ONECUT3: variants seen among roughly 807,000 people sequenced by gnomAD.
ONECUT3 encodes the protein one cut homeobox 3.
Under a neutral mutation model 16.8 loss-of-function variants are expected in ONECUT3, and 11 were observed. That is an observed-to-expected ratio of 0.66 (90% CI 0.41 to 1.09). The LOEUF is 1.09. Among genes scored for constraint, ONECUT3 ranks in the 50% least tolerant of loss-of-function variants. ONECUT3 has a pLI of 0.00. For synonymous variants in ONECUT3, 344 were observed against 310.7 expected (o/e 1.11, Z -1.13); for missense variants, 637 against 629.9 (o/e 1.01, Z -0.12).
rs2067913162 is a variant in ONECUT3 at position 1,755,730 on chromosome 19, C to T, written c.1192+876C>T. 6.6e-6 allele frequency among the ~76,000 whole-genome samples: 1 copy of T among 152,216 alleles called. No individual in the cohort carries two copies. The highest frequency in any genetic ancestry group is 1.5e-5 in the Non-Finnish European group (1 of 68,036). On this transcript the variant is annotated intron_variant, in intron 1 of 1. Transcript: ENST00000382349. The surrounding 1 kb of genome is among the most constrained non-coding windows in gnomAD (Gnocchi z 7.5). ...CTCTTGTTCCTGCTCATTATCTCTT[C>T]TCCCTGTCGGTCTCTCCGCCTCTGT...
rs1283608747 is a variant in ONECUT3 at position 1,758,896 on chromosome 19, G to C, written c.1192+4042G>C. On this transcript the variant is annotated intron_variant, in intron 1 of 1. Coordinates refer to ENST00000382349, the MANE Select transcript of ONECUT3 (RefSeq NM_001080488.2). This position sits in a 1 kb window ranked among gnomAD's most constrained non-coding sequence, Gnocchi z 5.9. Reference sequence around the variant, plus strand: ...CAAATATTGTTTAAATTGCAACTCCGGAGGAAAAGTATTTTTTGTAACTGA... The same window carrying C: ...CAAATATTGTTTAAATTGCAACTCCCGAGGAAAAGTATTTTTTGTAACTGA... Among the ~76,000 whole-genome samples the C allele has an allele frequency of 6.6e-6, 1 of 152,134 alleles. No individual in the cohort carries two copies. The highest frequency in any genetic ancestry group is 1.5e-5 in the Non-Finnish European group (1 of 68,026).
rs1013570816 is a variant in ONECUT3, at chr19:1,764,464, C to G, written c.1192+9610C>G. On this transcript the variant is annotated intron_variant, in intron 1 of 1. Transcript: ENST00000382349. This position sits in a 1 kb window ranked among gnomAD's most constrained non-coding sequence, Gnocchi z 5.0. ...GAGAGGGGTGGGGACAAGAGGGAGG[C>G]TGGGCGCCTGCTGAGGCCAAGGTGG... 3.3e-5 allele frequency among the ~76,000 whole-genome samples: 5 copies of G among 152,074 alleles called. No homozygotes were observed. Among genetic ancestry groups the G allele is most frequent in the Admixed American group, 6.6e-5 (1 of 15,258 alleles).
chr19:1,764,794 G>A lies in ONECUT3; in HGVS notation c.1192+9940G>A, dbSNP rs2067970115. On this transcript the variant is annotated intron_variant, in intron 1 of 1. Coordinates refer to ENST00000382349, the MANE Select transcript of ONECUT3 (RefSeq NM_001080488.2). The surrounding 1 kb of genome is among the most constrained non-coding windows in gnomAD (Gnocchi z 5.0). The stretch of plus-strand genomic sequence containing the variant: ...CACCCACTGACTCGAGTCTGGAGAG[G>A]CCACGGGGGGGGGATGCGCAGGGGG... 7.6e-6 allele frequency among the ~76,000 whole-genome samples: 1 copy of A among 131,290 alleles called. No homozygotes were observed. 86.1% of individuals were successfully genotyped at this position (131,290 alleles called of 152,430 possible).
At chr19:1,765,797 C>T (rs539685543) in intron 1 of ONECUT3, among the ~76,000 whole-genome samples, 4 of 152,322 alleles carry the variant, frequency 2.6e-5, no homozygotes, top group South Asian at 2.1e-4. Flanking sequence ...AGAGCCCACC[C>T]GCGTCCCCAT....
chr19:1,768,798 TG>T (rs574160099), intron 1 of ONECUT3, among the ~76,000 whole-genome samples: 68 of 140,240 alleles, frequency 4.8e-4, no homozygotes, highest in Middle Eastern at 3.6e-3. Flanking sequence ...ATGGAGGAGG[TG>T]TGGGGAGGTG....
rs973648189 is a variant in ONECUT3 at position 1,754,159 on chromosome 19, G to A, written c.497G>A (p.Gly166Asp). 3.1e-5 allele frequency: 34 copies of A among 1,098,714 alleles called. No individual in the cohort carries two copies. The highest frequency in any genetic ancestry group is 3.6e-5 in the Non-Finnish European group (32 of 900,578). The allele number at this position is 1,098,714 out of a possible 1,614,324, so 68.1% of individuals were successfully genotyped here. The change falls in exon 1 of 2, where the codon GGC becomes GAC. Residue 166 changes from glycine (G) to aspartate (D), a missense_variant. Transcript: ENST00000382349. This position sits in a 1 kb window ranked among gnomAD's most constrained non-coding sequence, Gnocchi z 7.4. ...CAGCGTCTGGCGGCCAGCGTGAGCG[G>A]CAGCTTCACCCTCATGCGCGACGAG... The part of the protein sequence containing the change: ...PPQRLAASVS[G>D]SFTLMRDERA...
Position 1,766,035 on chromosome 19 carries a change from A to G in ONECUT3, c.1193-9118A>G, listed in dbSNP as rs1447837775. Among the ~76,000 whole-genome samples, 1 of 152,200 alleles carries G rather than the reference A, an allele frequency of 6.6e-6. No individual in the cohort carries two copies. The highest frequency in any genetic ancestry group is 1.5e-5 in the Non-Finnish European group (1 of 68,022). ...CCGTTGCCTCATCCACCGCCCGTCC[A>G]AGGCCCCACAAGCTGATGCCGGTTT... On this transcript the variant is annotated intron_variant, in intron 1 of 1. Transcript: ENST00000382349. The surrounding 1 kb of genome is among the most constrained non-coding windows in gnomAD (Gnocchi z 4.0).
chr19:1,763,936 C>T (rs1039709485), intron 1 of ONECUT3, among the ~76,000 whole-genome samples: 4 of 152,082 alleles, frequency 2.6e-5, no homozygotes, highest in Admixed American at 2.0e-4. Flanking sequence ...GTCACCATAG[C>T]GGCTGCAATG....
chr19:1,762,706 G>C lies in ONECUT3; in HGVS notation c.1192+7852G>C, dbSNP rs1470739792. ...AGGGTCACTGGTGCGGGCTCCGCAG[G>C]AAAGCGCAGCCCCCAGCAGGCACCC... On this transcript the variant is annotated intron_variant, in intron 1 of 1. Transcript: ENST00000382349. This position sits in a 1 kb window ranked among gnomAD's most constrained non-coding sequence, Gnocchi z 4.4. Among the ~76,000 whole-genome samples, 1 of 152,224 alleles carries C rather than the reference G, an allele frequency of 6.6e-6. No individual in the cohort carries two copies. Among genetic ancestry groups the C allele is most frequent in the Non-Finnish European group, 1.5e-5 (1 of 68,028 alleles).
rs2067929495 is a variant in ONECUT3, at chr19:1,758,449, T to A, written c.1192+3595T>A. Among the ~76,000 whole-genome samples, 1 of 150,100 alleles carries A rather than the reference T, an allele frequency of 6.7e-6. No homozygotes were observed. The highest frequency in any genetic ancestry group is 1.5e-5 in the Non-Finnish European group (1 of 67,606). On this transcript the variant is annotated intron_variant, in intron 1 of 1. Transcript: ENST00000382349. The surrounding 1 kb of genome is among the most constrained non-coding windows in gnomAD (Gnocchi z 5.9). ...GTAGGACTTGGGAGAGGGGAATAGG[T>A]GTTTTCCTTGTTTCACCAAAGCACG...
chr19:1,775,533 C>A lies in ONECUT3; in HGVS notation c.*88C>A, dbSNP rs1449581291. On this transcript the variant is annotated 3_prime_UTR_variant, in exon 2 of 2. Transcript: ENST00000382349. ...CCCCACATCCTGCCGGCCCGGAGAC[C>A]CGCCCCCAGGGGGCACCTGGAGGGG... 2.2e-6 allele frequency: 3 copies of A among 1,349,088 alleles called. No individual in the cohort carries two copies. Among genetic ancestry groups the A allele is most frequent in the Non-Finnish European group, 1.9e-6 (2 of 1,042,210 alleles). The allele number at this position is 1,349,088 out of a possible 1,614,324, so 83.6% of individuals were successfully genotyped here. A position where few individuals can be genotyped will look rare whatever the true frequency, so the allele number is the denominator to read the frequency against.
chr19:1,766,012 G>A lies in ONECUT3; in HGVS notation c.1193-9141G>A, dbSNP rs529247293. On this transcript the variant is annotated intron_variant, in intron 1 of 1. Coordinates refer to ENST00000382349, the MANE Select transcript of ONECUT3 (RefSeq NM_001080488.2). This position sits in a 1 kb window ranked among gnomAD's most constrained non-coding sequence, Gnocchi z 4.0. ...ACACAGGGATGTCACACCAAGATCCGTTGCCTCATCCACCGCCCGTCCAAG... is the reference window on the plus strand; with the variant it reads ...ACACAGGGATGTCACACCAAGATCCATTGCCTCATCCACCGCCCGTCCAAG... 6.6e-6 allele frequency among the ~76,000 whole-genome samples: 1 copy of A among 152,344 alleles called. No individual in the cohort carries two copies. Among genetic ancestry groups the A allele is most frequent in the South Asian group, 2.1e-4 (1 of 4,828 alleles).
Position 1,766,137 on chromosome 19 carries a change from C to T in ONECUT3, c.1193-9016C>T, listed in dbSNP as rs149882587. Among the ~76,000 whole-genome samples, 406 of 152,400 alleles carry T rather than the reference C, an allele frequency of 2.7e-3. 3 individuals carry two copies. The highest frequency in any genetic ancestry group is 8.9e-3 in the African/African-American group (371 of 41,608). On this transcript the variant is annotated intron_variant, in intron 1 of 1. Coordinates refer to ENST00000382349, the MANE Select transcript of ONECUT3 (RefSeq NM_001080488.2). The surrounding 1 kb of genome is among the most constrained non-coding windows in gnomAD (Gnocchi z 4.0). ...CTCACTTGGGTGGGGTTTGGATGTGCAAGGCTGCCGACCCCCATCGTGGTT... is the reference window on the plus strand; with the variant it reads ...CTCACTTGGGTGGGGTTTGGATGTGTAAGGCTGCCGACCCCCATCGTGGTT...
rs1718240683 is a variant in ONECUT3 at position 1,780,920 on chromosome 19, CAG to C, written c.*5476_*5477del. On this transcript the variant is annotated 3_prime_UTR_variant, in exon 2 of 2. Transcript: ENST00000382349. ...TCCAAAGTCCCCTCCCCTCCAGGGA[CAG>C]GGGAGAGAAGCCCTTTTCCACCTTC... The C allele has an allele frequency of 7.0e-6, 1 of 142,166 alleles. No homozygotes were observed. The highest frequency in any genetic ancestry group is 1.5e-5 in the Non-Finnish European group (1 of 66,536). The allele number at this position is 142,166 out of a possible 1,614,324, so 8.8% of individuals were successfully genotyped here.
rs1301162596 is a variant in ONECUT3 at position 1,758,315 on chromosome 19, A to AAG, written c.1192+3481_1192+3482dup. On this transcript the variant is annotated intron_variant, in intron 1 of 1. Coordinates refer to ENST00000382349, the MANE Select transcript of ONECUT3 (RefSeq NM_001080488.2). This position sits in a 1 kb window ranked among gnomAD's most constrained non-coding sequence, Gnocchi z 5.9. ...GCAGAGAGACCAAAAAAAAAAAAAA[A>AAG]AGAGAGAGAGAGAGAGAGAGACAGA... Among the ~76,000 whole-genome samples the AAG allele has an allele frequency of 0.063, 4,849 of 76,874 alleles. 137 individuals are homozygous for AAG. The highest frequency in any genetic ancestry group is 0.075 in the Non-Finnish European group (2,435 of 32,508). The allele number at this position is 76,874 out of a possible 152,430, so 50.4% of individuals were successfully genotyped here.
At chr19:1,763,740 T>TTTG (rs1555799422) in intron 1 of ONECUT3, among the ~76,000 whole-genome samples, 7 of 148,124 alleles carry the variant, frequency 4.7e-5, no homozygotes, top group African/African-American at 1.7e-4. Flanking sequence ...TTGTTTTTTT[T>TTTG]TTTTTTTTAA....
rs1424477019 is a variant in ONECUT3 at position 1,779,395 on chromosome 19, AAGAGAGAGAGAGAGCGAGCGCAAGAG to A, written c.*3961_*3986del. The A allele has an allele frequency of 2.0e-4, 30 of 151,408 alleles. No homozygotes were observed. The highest frequency in any genetic ancestry group is 6.3e-4 in the African/African-American group (26 of 41,294). 9.4% of individuals were successfully genotyped at this position (151,408 alleles called of 1,614,324 possible). ...AAATGAGTCCTTTAGGAAAGAAAGGAAGAGAGAGAGAGAGCGAGCGCAAGAGAGAGAGAGAGGGAGAGAGAGGGAGA... is the reference window on the plus strand; with the variant it reads ...AAATGAGTCCTTTAGGAAAGAAAGGAAGAGAGAGAGGGAGAGAGAGGGAGA... On this transcript the variant is annotated 3_prime_UTR_variant, in exon 2 of 2. Transcript: ENST00000382349.
At chr19:1,765,723 T>C (rs2067981291) in intron 1 of ONECUT3, among the ~76,000 whole-genome samples, 1 of 152,174 alleles carries the variant, frequency 6.6e-6, no homozygotes, top group Non-Finnish European at 1.5e-5. Context: ...CTGCGTCCAC[T>C]TGATAAACCA....
Position 1,758,100 on chromosome 19 carries a change from C to T in ONECUT3, c.1192+3246C>T, listed in dbSNP as rs1467483838. 6.6e-6 allele frequency among the ~76,000 whole-genome samples: 1 copy of T among 151,570 alleles called. No homozygotes were observed. The highest frequency in any genetic ancestry group is 1.5e-5 in the Non-Finnish European group (1 of 67,890). On this transcript the variant is annotated intron_variant, in intron 1 of 1. Coordinates refer to ENST00000382349, the MANE Select transcript of ONECUT3 (RefSeq NM_001080488.2). The surrounding 1 kb of genome is among the most constrained non-coding windows in gnomAD (Gnocchi z 5.9). ...GCCGGGGCCAGGACAGAGACGGGGA[C>T]AGGGAGGGAGAAAGACCCGCAGGTG...
Sources: gnomAD v4.1 joint callset for allele counts (sites outside exome capture counted in the v4.1 genomes callset) on GRCh38, gnomAD v4.1.1 for gene constraint, Gnocchi (gnomAD v3.1) non-coding constraint, MANE v1.5 for transcripts, NCBI Gene and HGNC (gene_info 2026-07-23, HGNC 2026-07-21) for gene names.